Variants in MDGA2 observed in about 807,000 individuals in gnomAD.
The protein encoded by MDGA2 is MAM domain containing glycosylphosphatidylinositol anchor 2.
A neutral mutation model predicts 117.8 loss-of-function variants in MDGA2; 40 were observed. The observed-to-expected ratio is 0.34, with a 90% CI of 0.26 to 0.44. MDGA2 has a LOEUF of 0.44. Ranked by LOEUF, MDGA2 falls within the 20% of genes least tolerant of loss-of-function variation. MDGA2 has a pLI of 1.00. For missense variants in MDGA2, 1,123 were observed against 1,250.6 expected, an observed-to-expected ratio of 0.90 and a Z score of 1.54; for synonymous variants, 452 against 439.0, an observed-to-expected ratio of 1.03 and a Z score of -0.37.
intron 6 of MDGA2, among the ~76,000 whole-genome samples, chr14:47,078,140 C>A (rs1890565012): frequency 6.6e-6 from 1 of 151,956 alleles, no homozygotes; most frequent in Admixed American, 6.6e-5. Flanking sequence ...AAACATCAGA[C>A]CACAATGTCT....
At chr14:47,077,388 A>G (rs2138870207) in intron 6 of MDGA2, among the ~76,000 whole-genome samples, 1 of 152,094 alleles carries the variant, frequency 6.6e-6, no homozygotes, top group East Asian at 1.9e-4. Context: ...CATGAACTTT[A>G]TCATATGCAG....
At chr14:47,510,380 T>C (rs1894613989) in intron 1 of MDGA2, among the ~76,000 whole-genome samples, 1 of 152,222 alleles carries the variant, frequency 6.6e-6, no homozygotes, top group South Asian at 2.1e-4. Flanking sequence ...GACAGAAATA[T>C]ACAGTGAGAA....
intron 11 of MDGA2, among the ~76,000 whole-genome samples, chr14:46,880,903 T>C (rs1362684230): frequency 6.6e-6 from 1 of 151,786 alleles, no homozygotes; most frequent in East Asian, 1.9e-4. Context: ...GATCCACTTT[T>C]AACTTTTTCA....
chr14:47,137,439 G>A (rs942517195), intron 4 of MDGA2, among the ~76,000 whole-genome samples: 4 of 152,070 alleles, frequency 2.6e-5, no homozygotes, highest in Admixed American at 6.6e-5. Context: ...AATGTCCTGA[G>A]GGGGGCTGTG....
chr14:47,262,382 T>C (rs1340393251), intron 2 of MDGA2, among the ~76,000 whole-genome samples: 1 of 152,202 alleles, frequency 6.6e-6, no homozygotes, highest in Non-Finnish European at 1.5e-5. Flanking sequence ...CTTGGCTTTA[T>C]TTGTATTTTT....
chr14:47,060,795 T>C (rs887733665), intron 7 of MDGA2, among the ~76,000 whole-genome samples: 2 of 152,098 alleles, frequency 1.3e-5, no homozygotes, highest in Admixed American at 1.3e-4. Context: ...TTTGTTAGTG[T>C]AGGGTACATT....
intron 1 of MDGA2, among the ~76,000 whole-genome samples, chr14:47,532,329 G>A (rs995929671): frequency 1.3e-5 from 2 of 152,176 alleles, no homozygotes; most frequent in African/African-American, 4.8e-5. Context: ...GACAGGTCCT[G>A]ACTTGGTCTT....
chr14:46,845,950 A>AGTTT, intron 15 of MDGA2, 79 bp from the exon 16 acceptor site: 2 of 1,031,792 alleles, frequency 1.9e-6, no homozygotes, highest in East Asian at 2.5e-5. Flanking sequence ...CAAGGTGACA[A>AGTTT]AAATAAACTT....
At chr14:47,596,327 C>A (rs1482686057) in intron 1 of MDGA2, among the ~76,000 whole-genome samples, 1 of 152,104 alleles carries the variant, frequency 6.6e-6, no homozygotes, top group African/African-American at 2.4e-5. Flanking sequence ...ATTTGACTCA[C>A]CCTAAGAACT....
At chr14:46,918,336 ATGAGGTGTGTAAAGTCAAGAATC>A (rs1883980313) in intron 10 of MDGA2, among the ~76,000 whole-genome samples, 1 of 152,216 alleles carries the variant, frequency 6.6e-6, no homozygotes, top group Non-Finnish European at 1.5e-5. Context: ...TAAAAAGAGT[ATGAGGTGTGTAAAGTCAAGAATC>A]CTTATAGATA....
At chr14:47,301,724 C>A (rs1015832075) in intron 1 of MDGA2, among the ~76,000 whole-genome samples, 174 bp from the exon 2 acceptor site, 1 of 152,186 alleles carries the variant, frequency 6.6e-6, no homozygotes, top group Non-Finnish European at 1.5e-5. Context: ...TGGAAGAAAT[C>A]TTCAAATTTA....
intron 3 of MDGA2, among the ~76,000 whole-genome samples, chr14:47,197,950 T>C (rs1000546616): frequency 6.6e-6 from 1 of 152,166 alleles, no homozygotes; most frequent in Admixed American, 6.5e-5. Flanking sequence ...GCTTATATTA[T>C]TTTAGCACTA....
intron 1 of MDGA2, among the ~76,000 whole-genome samples, chr14:47,498,842 A>G (rs1036379209): frequency 2.0e-5 from 3 of 152,142 alleles, no homozygotes; most frequent in African/African-American, 4.8e-5. Context: ...GCATATATAT[A>G]TACCCTGTGT....
chr14:47,240,793 C>T (rs902633878), intron 2 of MDGA2, among the ~76,000 whole-genome samples: 1 of 151,902 alleles, frequency 6.6e-6, no homozygotes, highest in African/African-American at 2.4e-5. Context: ...TTGCCCTCTC[C>T]TGATCTCCCA....
intron 3 of MDGA2, among the ~76,000 whole-genome samples, chr14:47,191,566 T>C (rs1885114083): frequency 6.6e-6 from 1 of 151,948 alleles, no homozygotes; most frequent in Non-Finnish European, 1.5e-5. Context: ...TTGATTTGAT[T>C]AAGGTGTTGA....
At chr14:47,016,427 ATTTC>A (rs1170153059) in intron 8 of MDGA2, among the ~76,000 whole-genome samples, 1 of 152,090 alleles carries the variant, frequency 6.6e-6, no homozygotes, top group African/African-American at 2.4e-5. Context: ...AGCTGAGATC[ATTTC>A]TTTATCATTC....
chr14:47,559,576 CTTT>C (rs75462911), intron 1 of MDGA2, among the ~76,000 whole-genome samples: 4 of 138,682 alleles, frequency 2.9e-5, no homozygotes, highest in Admixed American at 7.1e-5. Flanking sequence ...TTTTTCTTTT[CTTT>C]TTTTTTTTTT....
intron 1 of MDGA2, among the ~76,000 whole-genome samples, chr14:47,560,581 T>A (rs759183427): frequency 2.6e-5 from 4 of 152,190 alleles, no homozygotes; most frequent in Non-Finnish European, 5.9e-5. Flanking sequence ...ATTTGCTTTG[T>A]AAAGTTGCTT....
chr14:47,157,603 G>A (rs1037784153), intron 3 of MDGA2, among the ~76,000 whole-genome samples: 3 of 59,388 alleles, frequency 5.1e-5, no homozygotes, highest in Non-Finnish European at 7.1e-5. Context: ...ATATGTGTGT[G>A]TGTGTGTGTG....
Sources: gnomAD v4.1 joint callset for allele counts (sites outside exome capture counted in the v4.1 genomes callset) on GRCh38, gnomAD v4.1.1 for gene constraint, MANE v1.5 for transcripts, NCBI Gene and HGNC (gene_info 2026-07-23, HGNC 2026-07-21) for gene names.